GNG2: variants seen among roughly 807,000 people sequenced by gnomAD.
The protein encoded by GNG2 is G protein subunit gamma 2.
GNG2 carries 5 observed loss-of-function variants against 5.5 expected under a neutral mutation model. The observed-to-expected ratio is 0.91, with a 90% CI of 0.48 to 1.92. The LOEUF is 1.92. GNG2 is among the 30% of genes most tolerant of loss of function. GNG2 has a pLI of 0.01. For missense variants in GNG2, 55 were observed against 88.4 expected (o/e 0.62, Z 1.52); for synonymous variants, 28 against 32.0 (o/e 0.88, Z 0.42).
At chr14:51,926,229 T>C (rs983320509) in intron 2 of GNG2, among the ~76,000 whole-genome samples, 2 of 152,142 alleles carry the variant, frequency 1.3e-5, no homozygotes, top group African/African-American at 4.8e-5. Context: ...TTTGACTTTA[T>C]GTTTGCTTCT....
At chr14:51,867,297 C>T (rs986947290) in intron 1 of GNG2, among the ~76,000 whole-genome samples, 3 of 152,092 alleles carry the variant, frequency 2.0e-5, no homozygotes, top group African/African-American at 7.3e-5. Context: ...AATCATTCAC[C>T]TCCTCTCTCA....
At chr14:51,868,454 T>A (rs1235519291) in intron 1 of GNG2, among the ~76,000 whole-genome samples, 1 of 152,098 alleles carries the variant, frequency 6.6e-6, no homozygotes, top group South Asian at 2.1e-4. Flanking sequence ...CTTTGATGGA[T>A]TGAAGTAGAA....
chr14:51,868,046 A>C (rs1416199378), intron 1 of GNG2, among the ~76,000 whole-genome samples: 1 of 152,146 alleles, frequency 6.6e-6, no homozygotes, highest in African/African-American at 2.4e-5. Context: ...TTTGATGCAG[A>C]GTGGGCTAGA....
At position 51,942,589 on chromosome 14, in the gene GNG2, C is replaced by CTTTCTTTCTTTCTTTCTTTCT. The variant is rs761049973; in HGVS notation, c.-29-8058_-29-8057insCTTTCTTTCTTTCTTTCTTTT. Among the ~76,000 whole-genome samples, 133 of 81,110 alleles carry CTTTCTTTCTTTCTTTCTTTCT rather than the reference C, an allele frequency of 1.6e-3. 2 individuals carry two copies. Among genetic ancestry groups the CTTTCTTTCTTTCTTTCTTTCT allele is most frequent in the East Asian group, 5.3e-3 (17 of 3,182 alleles). The allele number at this position is 81,110 out of a possible 152,430, so 53.2% of individuals were successfully genotyped here. A position where few individuals can be genotyped will look rare whatever the true frequency, so the allele number is the denominator to read the frequency against. On this transcript the variant is annotated intron_variant, in intron 2 of 3. Coordinates refer to ENST00000556766, the MANE Select transcript of GNG2 (RefSeq NM_053064.5). ...ATTTTTTCTCTTTCTTTCTTTCTTT[C>CTTTCTTTCTTTCTTTCTTTCT]TTTTTTTTTTTTTTTTTAGAGACAG...
intron 1 of GNG2, among the ~76,000 whole-genome samples, chr14:51,826,853 A>G (rs890307523): frequency 6.6e-6 from 1 of 152,252 alleles, no homozygotes; most frequent in Admixed American, 6.5e-5. Flanking sequence ...ATAAGTTAAA[A>G]GACCCATAAA....
chr14:51,828,485 A>G (rs548251930), intron 2 of GNG2, among the ~76,000 whole-genome samples: 1 of 152,316 alleles, frequency 6.6e-6, no homozygotes, highest in East Asian at 1.9e-4. Flanking sequence ...GAGGGAAGGA[A>G]TAAATCAAGG....
chr14:51,948,004 C>T (rs934944355), intron 2 of GNG2, among the ~76,000 whole-genome samples: 3 of 152,216 alleles, frequency 2.0e-5, no homozygotes, highest in Non-Finnish European at 4.4e-5. Context: ...TTCCTGTTCA[C>T]CCTAGTGTAG....
intron 2 of GNG2, among the ~76,000 whole-genome samples, chr14:51,843,788 C>A (rs796715375): frequency 1.3e-5 from 2 of 152,112 alleles, no homozygotes; most frequent in African/African-American, 4.8e-5. Flanking sequence ...TCAATTAACC[C>A]CAGCCCACCT....
chr14:51,926,888 A>G (rs113568145), intron 2 of GNG2, among the ~76,000 whole-genome samples: 48 of 152,284 alleles, frequency 3.2e-4, no homozygotes, highest in African/African-American at 1.2e-3. Context: ...AGAAAGCCCT[A>G]CAACAATGTT....
intron 2 of GNG2, among the ~76,000 whole-genome samples, chr14:51,931,984 C>T (rs1289216625): frequency 1.3e-5 from 2 of 151,984 alleles, no homozygotes; most frequent in Non-Finnish European, 2.9e-5. Context: ...CGGTGGCTCA[C>T]GCCTGTAATC....
At chr14:51,886,833 C>T (rs918439732) in intron 2 of GNG2, among the ~76,000 whole-genome samples, 8 of 152,206 alleles carry the variant, frequency 5.3e-5, no homozygotes, top group South Asian at 2.1e-4. Context: ...GCAAGGAAGT[C>T]TGCCACTGAG....
At chr14:51,940,340 T>G (rs1161691289) in intron 2 of GNG2, 1 of 152,468 alleles carries the variant, frequency 6.6e-6, no homozygotes, top group Non-Finnish European at 1.5e-5. Context: ...TATCTTCCTG[T>G]TCCTTCCCTG....
At chr14:51,920,065 T>C (rs1385191075) in intron 2 of GNG2, among the ~76,000 whole-genome samples, 1 of 152,156 alleles carries the variant, frequency 6.6e-6, no homozygotes, top group Non-Finnish European at 1.5e-5. Flanking sequence ...TAAAATGATA[T>C]TGTAGAGCTG....
At chr14:51,862,544 G>A (rs1443076836) in intron 1 of GNG2, among the ~76,000 whole-genome samples, 4 of 152,214 alleles carry the variant, frequency 2.6e-5, no homozygotes, top group African/African-American at 7.2e-5. Flanking sequence ...CTTACCCTTT[G>A]GTACTTACTC....
At chr14:51,827,714 G>A (rs1881065996) in exon 2 of GNG2, 1 of 702,154 alleles carries the variant, frequency 1.4e-6, no homozygotes, top group Non-Finnish European at 2.6e-6. Context: ...GGTGATTCCT[G>A]AGCCCAACCT....
At chr14:51,909,043 T>C (rs1886132871) in intron 2 of GNG2, among the ~76,000 whole-genome samples, 1 of 152,152 alleles carries the variant, frequency 6.6e-6, no homozygotes, top group African/African-American at 2.4e-5. Context: ...TTACCTATCA[T>C]TATAAAATAA....
intron 2 of GNG2, among the ~76,000 whole-genome samples, chr14:51,843,353 A>G (rs1326237658): frequency 6.6e-6 from 1 of 152,126 alleles, no homozygotes; most frequent in African/African-American, 2.4e-5. Flanking sequence ...GCCAACTGCT[A>G]TAGAAACCCC....
intron 2 of GNG2, among the ~76,000 whole-genome samples, chr14:51,843,845 G>T (rs1468047101): frequency 6.6e-6 from 1 of 152,066 alleles, no homozygotes. Context: ...GTCCCACTAT[G>T]CCAAGCTATT....
rs1881192923 is a variant in GNG2 at position 51,831,626 on chromosome 14, G to A, written c.64+3819G>A. ...GAAGGGAAAAGCTCATTTCTTTGTAGTAGTTAGAAATTATCTGGCACTTTT... is the reference window on the plus strand; with the variant it reads ...GAAGGGAAAAGCTCATTTCTTTGTAATAGTTAGAAATTATCTGGCACTTTT... On this transcript the variant is annotated intron_variant, in intron 2 of 3. Transcript: ENST00000553432. 2.0e-5 allele frequency among the ~76,000 whole-genome samples: 3 copies of A among 152,214 alleles called. No homozygotes were observed. In the South Asian group the frequency reaches 6.2e-4, roughly 32 times the overall value.
Sources: gnomAD v4.1 joint callset for allele counts (sites outside exome capture counted in the v4.1 genomes callset) on GRCh38, gnomAD v4.1.1 for gene constraint, MANE v1.5 for transcripts, NCBI Gene and HGNC (gene_info 2026-07-23, HGNC 2026-07-21) for gene names.